C17orf58: variants seen among roughly 807,000 people sequenced by gnomAD.
C17orf58 encodes chromosome 17 open reading frame 58.
A neutral mutation model predicts 7.4 loss-of-function variants in C17orf58; 5 were observed. The ratio of observed to expected loss-of-function variants is 0.67; its 90% CI spans 0.35 to 1.42. C17orf58 has a LOEUF of 1.42. Among genes scored for constraint, C17orf58 ranks in the 40% most tolerant of loss-of-function variants. C17orf58 has a pLI of 0.04. For synonymous variants in C17orf58, 60 were observed against 70.6 expected, an observed-to-expected ratio of 0.85 and a Z score of 0.75; for missense variants, 162 against 174.2, an observed-to-expected ratio of 0.93 and a Z score of 0.40.
chr17:67,993,088 A>T lies in C17orf58; in HGVS notation c.785T>A (p.Leu262Gln), dbSNP rs1568261194. 6.2e-7 allele frequency: 1 copy of T among 1,614,148 alleles called. No individual in the cohort carries two copies. The highest frequency in any genetic ancestry group is 2.2e-5 in the East Asian group (1 of 44,870). ...GFFFRVHMLA[L>Q]DSSSCNKPCP... is the part of the protein sequence containing the mutation. The stretch of plus-strand genomic sequence containing the variant: ...CGGCTTATTGCAGCTGGAGGAGTCC[A>T]GGGCTAACATGTGGACTCGGAAGAA... The change falls in exon 3 of 4, where the codon CTG becomes CAG. Residue 262 changes from leucine to glutamine, a missense_variant. By Grantham distance (113) the Leu-to-Gln change is moderately radical. Coordinates refer to ENST00000580729, the MANE Select transcript of C17orf58 (RefSeq NM_001382359.1). The surrounding 1 kb of genome is among the most constrained non-coding windows in gnomAD (Gnocchi z 5.1).
chr17:67,992,242 C>A, intron 3 of C17orf58, 139 bp from the exon 4 acceptor site: 1 of 740,650 alleles, frequency 1.4e-6, no homozygotes, highest in Non-Finnish European at 2.0e-6. Context: ...AGTCTACAGG[C>A]ATCTGGTGGA....
Position 67,991,888 on chromosome 17 carries a change from G to C in C17orf58, c.*25C>G. The C allele has an allele frequency of 6.4e-7, 1 of 1,567,420 alleles. No homozygotes were observed. The highest frequency in any genetic ancestry group is 8.7e-7 in the Non-Finnish European group (1 of 1,152,816). On this transcript the variant is annotated 3_prime_UTR_variant, in exon 4 of 4. Transcript: ENST00000580729. ...GTTGCCGACGTCCAAGTCTCTTGCG[G>C]TCCAGAAATGCCAGGATGGTTGTTT... is the stretch of plus-strand genomic sequence containing the variant.
In C17orf58 at chr17:67,991,897, TG is replaced by T; in HGVS notation, c.*15del. 1.3e-6 allele frequency: 2 copies of T among 1,583,132 alleles called. No individual in the cohort carries two copies. Among genetic ancestry groups the T allele is most frequent in the Non-Finnish European group, 1.7e-6 (2 of 1,161,928 alleles). On this transcript the variant is annotated 3_prime_UTR_variant, in exon 4 of 4. Transcript: ENST00000580729. The stretch of plus-strand genomic sequence containing the variant: ...GTCCAAGTCTCTTGCGGTCCAGAAA[TG>T]CCAGGATGGTTGTTTCAAATGCATT...
rs1401650060 is a variant in C17orf58, at chr17:67,994,508, G to GTATATA, written c.77-525_77-524insTATATA. Among the ~76,000 whole-genome samples, 349 of 55,918 alleles carry GTATATA rather than the reference G, an allele frequency of 6.2e-3. 8 individuals carry two copies. The highest frequency in any genetic ancestry group is 0.018 in the Middle Eastern group (2 of 114). 36.7% of individuals were successfully genotyped at this position (55,918 alleles called of 152,430 possible). On this transcript the variant is annotated intron_variant, in intron 1 of 3. Transcript: ENST00000580729. The stretch of plus-strand genomic sequence containing the variant: ...TGTGCGTGTGCGTGTGTGTGTGTGT[G>GTATATA]TGTGTGTGTATATATATATATATAT...
At position 67,991,873 on chromosome 17, in the gene C17orf58, T is replaced by C; in HGVS notation, c.*40A>G. 3 of 1,536,002 alleles carry C rather than the reference T, an allele frequency of 2.0e-6. No individual in the cohort carries two copies. The highest frequency in any genetic ancestry group is 2.6e-6 in the Non-Finnish European group (3 of 1,132,802). ...GACCTTTCATGTCTTGTTGCCGACG[T>C]CCAAGTCTCTTGCGGTCCAGAAATG... On this transcript the variant is annotated 3_prime_UTR_variant, in exon 4 of 4. Coordinates refer to ENST00000580729, the MANE Select transcript of C17orf58 (RefSeq NM_001382359.1).
intron 1 of C17orf58, among the ~76,000 whole-genome samples, chr17:67,995,766 C>T (rs2070886639): frequency 6.6e-6 from 1 of 152,214 alleles, no homozygotes; most frequent in Non-Finnish European, 1.5e-5. Flanking sequence ...GCGGACCCCG[C>T]GGCGTCCTGC....
intron 1 of C17orf58, 129 bp from the exon 2 acceptor site, chr17:67,994,113 G>A (rs1236311353): frequency 5.6e-6 from 2 of 358,208 alleles, no homozygotes; most frequent in African/African-American, 4.3e-5. Flanking sequence ...GGGAGGCCGA[G>A]AGGGGAAGGG....
chr17:67,992,831 A>G, intron 3 of C17orf58: 6 of 1,531,506 alleles, frequency 3.9e-6, no homozygotes, highest in Non-Finnish European at 5.3e-6. Flanking sequence ...CTTTGTGCCA[A>G]CCCTTGCTGT....
intron 3 of C17orf58, 151 bp downstream of exon 3, chr17:67,992,893 A>C (rs781985963): frequency 6.2e-7 from 1 of 1,613,234 alleles, no homozygotes; most frequent in South Asian, 1.1e-5. Flanking sequence ...GAGTGGCCGG[A>C]ATAATACCTG....
chr17:67,993,214 T>G lies in C17orf58; in HGVS notation c.659A>C (p.Asp220Ala), dbSNP rs1258499073. 1.1e-5 allele frequency: 17 copies of G among 1,594,740 alleles called. No homozygotes were observed. The Admixed American group carries it at 2.9e-4, about 27-fold the overall frequency. The change falls in exon 3 of 4, where the codon GAT (aspartate) becomes GCT (alanine). Residue 220 changes from aspartate (D) to alanine (A), a missense_variant. Asp to Ala is a moderately radical substitution (Grantham distance 126, BLOSUM62 -2). This residue lies in a region of C17orf58 where 93 missense variants were observed against 90.4 expected (regional missense o/e 1.03). Transcript: ENST00000580729. This position sits in a 1 kb window ranked among gnomAD's most constrained non-coding sequence, Gnocchi z 5.1. Reference sequence around the variant, plus strand: ...GATGCCCGCGCCCAGCACGTCCACATCGTGCACGATCCCGTTCACCGCTGC... The same window carrying G: ...GATGCCCGCGCCCAGCACGTCCACAGCGTGCACGATCCCGTTCACCGCTGC... The part of the protein sequence containing the change: ...SEFAVNGIVH[D>A]VDVLGAGIRL...
rs782335135 is a variant in C17orf58, at chr17:67,993,070, T to C, written c.803A>G (p.Asn268Ser). The C allele has an allele frequency of 2.5e-5, 40 of 1,614,018 alleles. No homozygotes were observed. Among genetic ancestry groups the C allele is most frequent in the Non-Finnish European group, 3.4e-5 (40 of 1,180,022 alleles). Residue 268 changes from asparagine (N) to serine (S), a missense_variant, in exon 3 of 4, where the codon AAT (asparagine) becomes AGT (serine). Physicochemically the swap from Asn to Ser is conservative, Grantham distance 46. Coordinates refer to ENST00000580729, the MANE Select transcript of C17orf58 (RefSeq NM_001382359.1). The surrounding 1 kb of genome is among the most constrained non-coding windows in gnomAD (Gnocchi z 5.1). ...HMLALDSSSCNKPCPEFKPGS... is the reference protein window; with the variant it reads ...HMLALDSSSCSKPCPEFKPGS... The stretch of plus-strand genomic sequence containing the variant: ...AGGTTTAAACTCTGGACACGGCTTA[T>C]TGCAGCTGGAGGAGTCCAGGGCTAA...
In C17orf58 at chr17:67,993,248, A is replaced by C. The variant is rs775961103; in HGVS notation, c.638-13T>G. 272 of 1,499,662 alleles carry C rather than the reference A, an allele frequency of 1.8e-4. No individual in the cohort carries two copies. The highest frequency in any genetic ancestry group is 2.4e-4 in the Non-Finnish European group (261 of 1,101,804). The allele number at this position is 1,499,662 out of a possible 1,614,324, so 92.9% of individuals were successfully genotyped here. On this transcript the variant is annotated splice_polypyrimidine_tract_variant and intron_variant, in intron 2 of 3. Coordinates refer to ENST00000580729, the MANE Select transcript of C17orf58 (RefSeq NM_001382359.1). This position sits in a 1 kb window ranked among gnomAD's most constrained non-coding sequence, Gnocchi z 5.1. ...ATCCCGTTCACCGCTGCTTCCGAAAAACAGTTTGGAGAAGAGCATTACCCC... is the reference window on the plus strand; with the variant it reads ...ATCCCGTTCACCGCTGCTTCCGAAACACAGTTTGGAGAAGAGCATTACCCC...
In C17orf58 at chr17:67,993,816, G is replaced by A; in HGVS notation, c.245C>T (p.Pro82Leu). 3.5e-6 allele frequency: 1 copy of A among 285,098 alleles called. No homozygotes were observed. Among genetic ancestry groups the A allele is most frequent in the Non-Finnish European group, 6.3e-6 (1 of 157,524 alleles). 17.7% of individuals were successfully genotyped at this position (285,098 alleles called of 1,614,324 possible). A position where few individuals can be genotyped will look rare whatever the true frequency, so the allele number is the denominator to read the frequency against. The change falls in exon 2 of 4, where the codon CCG becomes CTG. Residue 82 changes from proline (P) to leucine (L), a missense_variant. Physicochemically the swap from Pro to Leu is moderately conservative, Grantham distance 98 (BLOSUM62 -3). Around this residue, in one of 3 missense-constraint regions of C17orf58, gnomAD observed 93 missense variants for 90.4 expected, o/e 1.03. Coordinates refer to ENST00000580729, the MANE Select transcript of C17orf58 (RefSeq NM_001382359.1). The surrounding 1 kb of genome is among the most constrained non-coding windows in gnomAD (Gnocchi z 5.1). Reference sequence around the variant, plus strand: ...GAAGCTGGCCTGGTTGTCGGCCGGCGGTGGGGGCTTCCGGCGGCGCGGGTC... The same window carrying A: ...GAAGCTGGCCTGGTTGTCGGCCGGCAGTGGGGGCTTCCGGCGGCGCGGGTC... The part of the protein sequence containing the change: ...WPDPRRRKPP[P>L]PADNQASFRE...
chr17:67,995,223 G>C (rs549100115), intron 1 of C17orf58, among the ~76,000 whole-genome samples: 1 of 152,192 alleles, frequency 6.6e-6, no homozygotes, highest in East Asian at 1.9e-4. Flanking sequence ...TCATGTTTTT[G>C]CAAAGAGGTT....
At chr17:67,994,504 G>GTATATATA (rs1430500248) in intron 1 of C17orf58, among the ~76,000 whole-genome samples, 4 of 15,498 alleles carry the variant, frequency 2.6e-4, no homozygotes, top group Non-Finnish European at 7.4e-4. Flanking sequence ...GTGTGTGTGT[G>GTATATATA]TGTGTGTGTG....
At chr17:67,992,281 C>T (rs1442126568) in intron 3 of C17orf58, among the ~76,000 whole-genome samples, 178 bp from the exon 4 acceptor site, 1 of 151,998 alleles carries the variant, frequency 6.6e-6, no homozygotes, top group Admixed American at 6.6e-5. Flanking sequence ...ACAAGATAAC[C>T]AACCAGGCCG....
intron 1 of C17orf58, among the ~76,000 whole-genome samples, chr17:67,994,462 A>G (rs2070871997): frequency 6.9e-6 from 1 of 144,238 alleles, no homozygotes; most frequent in African/African-American, 2.5e-5. Context: ...TTCCTTTAAT[A>G]TATACGTATA....
rs574715893 is a variant in C17orf58 at position 67,991,319 on chromosome 17, A to G, written c.*594T>C. 4 of 152,186 alleles carry G rather than the reference A, an allele frequency of 2.6e-5. No individual in the cohort carries two copies. In the South Asian group the frequency reaches 8.3e-4, roughly 32 times the overall value. 9.4% of individuals were successfully genotyped at this position (152,186 alleles called of 1,614,324 possible). A position where few individuals can be genotyped will look rare whatever the true frequency, so the allele number is the denominator to read the frequency against. ...TGCCTGAAGTAAGCCCTTTAGTACTATTTTTTATTTTATTTATTTTTTTAA... is the reference window on the plus strand; with the variant it reads ...TGCCTGAAGTAAGCCCTTTAGTACTGTTTTTTATTTTATTTATTTTTTTAA... On this transcript the variant is annotated 3_prime_UTR_variant, in exon 4 of 4. Coordinates refer to ENST00000580729, the MANE Select transcript of C17orf58 (RefSeq NM_001382359.1).
rs1555699261 is a variant in C17orf58, at chr17:67,991,784, A to C, written c.*129T>G. The C allele has an allele frequency of 4.2e-6, 3 of 713,928 alleles. No homozygotes were observed. Among genetic ancestry groups the C allele is most frequent in the Middle Eastern group, 4.1e-4 (1 of 2,432 alleles). The allele number at this position is 713,928 out of a possible 1,614,324, so 44.2% of individuals were successfully genotyped here. ...CACCTTCGAGATTACAGTTGCAGCT[A>C]TGCAAGTCATTCACAGAGTAGCTGA... On this transcript the variant is annotated 3_prime_UTR_variant, in exon 4 of 4. Transcript: ENST00000580729.
Sources: gnomAD v4.1 joint callset for allele counts (sites outside exome capture counted in the v4.1 genomes callset) on GRCh38, gnomAD v4.1.1 for gene constraint, gnomAD v4.1.1 regional missense constraint, Gnocchi (gnomAD v3.1) non-coding constraint, MANE v1.5 for transcripts, NCBI Gene and HGNC (gene_info 2026-07-23, HGNC 2026-07-21) for gene names.